Variants in TRMT10B observed in about 807,000 individuals in gnomAD.
TRMT10B encodes tRNA methyltransferase 10 homolog B.
A neutral mutation model predicts 43.8 loss-of-function variants in TRMT10B; 33 were observed. That is an observed-to-expected ratio of 0.75 (90% CI 0.57 to 1.01). The LOEUF (loss-of-function observed/expected upper bound fraction) is 1.01. Ranked by LOEUF, TRMT10B falls within the 50% of genes least tolerant of loss-of-function variation. The pLI, the probability that TRMT10B is intolerant of heterozygous loss-of-function variation, is 0.00. For synonymous variants in TRMT10B, 137 were observed against 130.6 expected (o/e 1.05, Z -0.34); for missense variants, 362 against 369.8 (o/e 0.98, Z 0.17).
intron 5 of TRMT10B, among the ~76,000 whole-genome samples, chr9:37,768,833 TCA>T (rs963065835): frequency 6.6e-6 from 1 of 152,242 alleles, no homozygotes; most frequent in East Asian, 1.9e-4. Flanking sequence ...GTTACTGTCT[TCA>T]CAGTCTCTCT....
intron 1 of TRMT10B, among the ~76,000 whole-genome samples, chr9:37,760,032 T>C (rs1055757866): frequency 6.6e-6 from 1 of 152,056 alleles, no homozygotes; most frequent in African/African-American, 2.4e-5. Flanking sequence ...TAATGAAGAA[T>C]TAAAAATAAT....
In TRMT10B at chr9:37,763,737, A is replaced by T. The variant is rs778481168; in HGVS notation, c.404A>T (p.His135Leu). The T allele has an allele frequency of 6.2e-7, 1 of 1,614,088 alleles. No homozygotes were observed. Among genetic ancestry groups the T allele is most frequent in the Non-Finnish European group, 8.5e-7 (1 of 1,179,960 alleles). The change falls in exon 4 of 9, where the codon CAC (histidine) becomes CTC (leucine). Residue 135 changes from histidine (H) to leucine (L), a missense_variant. Coordinates refer to ENST00000297994, the MANE Select transcript of TRMT10B (RefSeq NM_144964.4). Reference sequence around the variant, plus strand: ...CTATGTATCGATTTGAGTATGACCCACTACATGTCAAAGAAGGTAGAACAT... The same window carrying T: ...CTATGTATCGATTTGAGTATGACCCTCTACATGTCAAAGAAGGTAGAACAT... The part of the protein sequence containing the change: ...PRLCIDLSMT[H>L]YMSKKELSRL...
chr9:37,753,976 T>TA (rs1825287632), intron 1 of TRMT10B, 124 bp downstream of exon 1: 1 of 152,388 alleles, frequency 6.6e-6, no homozygotes, highest in Non-Finnish European at 1.5e-5. Flanking sequence ...TGGCCTGTGG[T>TA]ACTCCACCTT....
In TRMT10B at chr9:37,762,009, G is replaced by A. The variant is rs773545511; in HGVS notation, c.78G>A (p.Glu26=). Residue 26 remains glutamate, a synonymous_variant, in exon 2 of 9, where the codon GAG becomes GAA. Coordinates refer to ENST00000297994, the MANE Select transcript of TRMT10B (RefSeq NM_144964.4). ...VLQGQEGILE[E]TGEDGLPEGF... ...AGGGGCAAGAAGGCATCCTAGAGGA[G>A]ACAGGTGAAGATGGACTTCCTGAAG... is the stretch of plus-strand genomic sequence containing the variant. The A allele has an allele frequency of 2.5e-6, 4 of 1,614,004 alleles. No homozygotes were observed. The highest frequency in any genetic ancestry group is 3.4e-6 in the Non-Finnish European group (4 of 1,180,012).
Position 37,777,772 on chromosome 9 carries a change from G to A in TRMT10B, c.*65G>A, listed in dbSNP as rs889429792. ...CGTAATGCCAACACTTTGGTAGACC[G>A]AAGTGGGCAGATCACCTGAGGTCAG... On this transcript the variant is annotated 3_prime_UTR_variant, in exon 9 of 9. Transcript: ENST00000297994. 9.3e-6 allele frequency: 12 copies of A among 1,294,690 alleles called. No individual in the cohort carries two copies. Among genetic ancestry groups the A allele is most frequent in the Non-Finnish European group, 1.1e-5 (10 of 894,574 alleles). The allele number at this position is 1,294,690 out of a possible 1,614,324, so 80.2% of individuals were successfully genotyped here. A position where few individuals can be genotyped will look rare whatever the true frequency, so the allele number is the denominator to read the frequency against.
At position 37,766,117 on chromosome 9, in the gene TRMT10B, C is replaced by T. The variant is rs544311190; in HGVS notation, c.421-1959C>T. On this transcript the variant is annotated intron_variant, in intron 4 of 8. Coordinates refer to ENST00000297994, the MANE Select transcript of TRMT10B (RefSeq NM_144964.4). ...ATTTGTCAATTTTGGCTTTTGTTGC[C>T]GTTGCTTTTGGTGTTTTAGACATGA... Among the ~76,000 whole-genome samples the T allele has an allele frequency of 8.0e-4, 121 of 152,120 alleles. 1 individual carries two copies. The East Asian group carries it at 8.9e-3, about 11-fold the overall frequency.
chr9:37,753,210 T>TA (rs1217640899), upstream of TRMT10B, among the ~76,000 whole-genome samples: 2 of 152,204 alleles, frequency 1.3e-5, no homozygotes, highest in Non-Finnish European at 2.9e-5. Context: ...CTTTAAGAAT[T>TA]GTAACACCGC....
At chr9:37,770,765 T>A (rs375770519) in intron 7 of TRMT10B, 26 bp downstream of exon 7, 5 of 1,611,960 alleles carry the variant, frequency 3.1e-6, no homozygotes, top group Non-Finnish European at 4.2e-6. Flanking sequence ...AGCCCCAACA[T>A]CTGTTTTAAA....
At chr9:37,760,277 G>A (rs1826184342) in intron 1 of TRMT10B, among the ~76,000 whole-genome samples, 1 of 152,204 alleles carries the variant, frequency 6.6e-6, no homozygotes, top group Non-Finnish European at 1.5e-5. Context: ...AGCTGAGATT[G>A]CAACGCTGCA....
intron 6 of TRMT10B, 25 bp downstream of exon 6, chr9:37,770,044 G>A (rs748580039): frequency 6.3e-6 from 10 of 1,576,778 alleles, no homozygotes; most frequent in Admixed American, 5.0e-5. Context: ...GCATGGATTC[G>A]TATAGCCCAT....
At chr9:37,775,703 T>A (rs1219480874) in intron 7 of TRMT10B, among the ~76,000 whole-genome samples, 6 of 152,112 alleles carry the variant, frequency 3.9e-5, no homozygotes, top group Non-Finnish European at 8.8e-5. Context: ...CCTGTTAATT[T>A]TTTTTTTGTT....
chr9:37,764,632 C>T (rs1826786927), intron 4 of TRMT10B, among the ~76,000 whole-genome samples: 1 of 151,960 alleles, frequency 6.6e-6, no homozygotes, highest in East Asian at 1.9e-4. Flanking sequence ...CGATGTTGGC[C>T]AGGCTGGTCT....
intron 5 of TRMT10B, among the ~76,000 whole-genome samples, chr9:37,769,226 T>G (rs1278725420): frequency 2.0e-5 from 3 of 146,352 alleles, no homozygotes; most frequent in Non-Finnish European, 4.5e-5. Context: ...GAGGATCACT[T>G]GAGCTTGAGA....
intron 7 of TRMT10B, among the ~76,000 whole-genome samples, chr9:37,771,286 C>T (rs1300763817): frequency 6.6e-6 from 1 of 152,154 alleles, no homozygotes; most frequent in Non-Finnish European, 1.5e-5. Context: ...AAGTTAAAGA[C>T]TAACATATAA....
Position 37,776,375 on chromosome 9 carries a change from T to TATC in TRMT10B, c.817_819dup (p.His273dup), listed in dbSNP as rs1259632012. ...GGTCAGAAACCAGAATGGGAAAAAC[T>TATC]ATCATTCAGAGATACTGGCCATCAA... is the stretch of plus-strand genomic sequence containing the variant. On this transcript the variant is annotated inframe_insertion, in exon 8 of 9. Transcript: ENST00000297994. 6.2e-7 allele frequency: 1 copy of TATC among 1,612,116 alleles called. No individual in the cohort carries two copies. Among genetic ancestry groups the TATC allele is most frequent in the Non-Finnish European group, 8.5e-7 (1 of 1,179,168 alleles).
At position 37,776,411 on chromosome 9, in the gene TRMT10B, T is replaced by A; in HGVS notation, c.844+6T>A. On this transcript the variant is annotated splice_donor_region_variant and intron_variant, in intron 8 of 8. Transcript: ENST00000297994. ...GATACTGGCCATCAATCAAGGTACTTCTTACACGGCCCCCATCCAGGGTGT... is the reference window on the plus strand; with the variant it reads ...GATACTGGCCATCAATCAAGGTACTACTTACACGGCCCCCATCCAGGGTGT... 6.2e-7 allele frequency: 1 copy of A among 1,604,116 alleles called. No individual in the cohort carries two copies. The highest frequency in any genetic ancestry group is 1.1e-5 in the South Asian group (1 of 89,046).
intron 7 of TRMT10B, among the ~76,000 whole-genome samples, chr9:37,774,766 C>T (rs553350129): frequency 1.4e-4 from 21 of 152,270 alleles, no homozygotes; most frequent in Non-Finnish European, 2.9e-4. Context: ...GGTGTCAGCA[C>T]CGAAAAGGTA....
intron 7 of TRMT10B, among the ~76,000 whole-genome samples, chr9:37,775,524 T>G (rs1358871790): frequency 6.6e-6 from 1 of 152,118 alleles, no homozygotes; most frequent in Non-Finnish European, 1.5e-5. Flanking sequence ...TTTGCAGTTT[T>G]CAGAGCCCGC....
chr9:37,755,087 G>A (rs1825480635), intron 1 of TRMT10B, among the ~76,000 whole-genome samples: 1 of 151,950 alleles, frequency 6.6e-6, no homozygotes. Context: ...TGGCTAAAAT[G>A]GTGAAACTCC....
Sources: gnomAD v4.1 joint callset for allele counts (sites outside exome capture counted in the v4.1 genomes callset) on GRCh38, gnomAD v4.1.1 for gene constraint, MANE v1.5 for transcripts, NCBI Gene and HGNC (gene_info 2026-07-23, HGNC 2026-07-21) for gene names.